Variants in FAM20A observed in about 807,000 individuals in gnomAD.
FAM20A encodes FAM20A golgi associated secretory pathway pseudokinase, also known as pseudokinase FAM20A.
FAM20A carries 42 observed loss-of-function variants against 52.0 expected under a neutral mutation model. That is an observed-to-expected ratio of 0.81 (90% CI 0.63 to 1.04). The LOEUF is 1.04. Among genes scored for constraint, FAM20A ranks in the 50% least tolerant of loss-of-function variants. The pLI, the probability that FAM20A is intolerant of heterozygous loss-of-function variation, is 0.00. For missense variants in FAM20A, 742 were observed against 712.7 expected (o/e 1.04, Z -0.47); for synonymous variants, 304 against 298.9 (o/e 1.02, Z -0.18).
chr17:68,536,691 T>G lies in FAM20A; in HGVS notation c.*786A>C, dbSNP rs1160568203. 2.2e-6 allele frequency: 1 copy of G among 453,868 alleles called. No homozygotes were observed. Among genetic ancestry groups the G allele is most frequent in the African/African-American group, 2.0e-5 (1 of 49,964 alleles). The allele number at this position is 453,868 out of a possible 1,614,324, so 28.1% of individuals were successfully genotyped here. ...CTGCCTTACTCCAGGCTTGTGTCCC[T>G]GCTAGGCCTGTTCCCATGCCATCCT... On this transcript the variant is annotated 3_prime_UTR_variant, in exon 11 of 11. Coordinates refer to ENST00000592554, the MANE Select transcript of FAM20A (RefSeq NM_017565.4).
intron 4 of FAM20A, among the ~76,000 whole-genome samples, chr17:68,544,329 T>A (rs972769814): frequency 6.6e-6 from 1 of 152,154 alleles, no homozygotes; most frequent in Non-Finnish European, 1.5e-5. Flanking sequence ...ATTAAATCTC[T>A]AATGAATTCC....
intron 1 of FAM20A, among the ~76,000 whole-genome samples, chr17:68,561,817 T>C (rs2087222765): frequency 6.6e-6 from 1 of 152,042 alleles, no homozygotes; most frequent in Admixed American, 6.6e-5. Flanking sequence ...TCTTTCTTTT[T>C]TCTTTCTTTC....
intron 9 of FAM20A, 114 bp from the exon 10 acceptor site, chr17:68,539,510 G>C: frequency 2.2e-6 from 2 of 914,948 alleles, no homozygotes; most frequent in Non-Finnish European, 1.8e-6. Context: ...AAATGCCAGG[G>C]ATCATGGCAG....
At chr17:68,541,105 G>A in intron 7 of FAM20A, 147 bp from the exon 8 acceptor site, 1 of 1,201,164 alleles carries the variant, frequency 8.3e-7, no homozygotes, top group Non-Finnish European at 1.2e-6. Flanking sequence ...GAAAGGCCCT[G>A]GGCAAGGACG....
At chr17:68,545,896 G>A (rs2086531799) in intron 4 of FAM20A, among the ~76,000 whole-genome samples, 1 of 152,196 alleles carries the variant, frequency 6.6e-6, no homozygotes, top group South Asian at 2.1e-4. Flanking sequence ...TTGGTCGGGT[G>A]CGGTGGCTCA....
intron 4 of FAM20A, among the ~76,000 whole-genome samples, chr17:68,543,956 A>G (rs2086431770): frequency 6.6e-6 from 1 of 152,142 alleles, no homozygotes; most frequent in Admixed American, 6.5e-5. Flanking sequence ...CACCACCAAT[A>G]CCAAGTTTCC....
intron 1 of FAM20A, among the ~76,000 whole-genome samples, chr17:68,581,003 C>A (rs758493960): frequency 1.3e-5 from 2 of 152,078 alleles, no homozygotes; most frequent in Non-Finnish European, 2.9e-5. Context: ...GATTTTTCCC[C>A]CTGATTAGGA....
chr17:68,580,905 C>T (rs1292001688), intron 1 of FAM20A, among the ~76,000 whole-genome samples: 1 of 152,130 alleles, frequency 6.6e-6, no homozygotes, highest in East Asian at 1.9e-4. Context: ...AAAATGACAC[C>T]TCCAAGGTGG....
At chr17:68,593,147 A>G (rs11655376) in intron 1 of FAM20A, among the ~76,000 whole-genome samples, 26,019 of 152,242 alleles carry the variant, frequency 0.17, 2,554 homozygotes, top group East Asian at 0.35. Context: ...GTAAGAACTT[A>G]TGTCTAGTAA....
At chr17:68,551,370 G>A (rs1259768379) in intron 4 of FAM20A, 2 of 362,598 alleles carry the variant, frequency 5.5e-6, no homozygotes, top group East Asian at 7.9e-5. Context: ...GTTGAAACAA[G>A]TATTGTGGTA....
chr17:68,593,078 T>C (rs1204947633), intron 1 of FAM20A, among the ~76,000 whole-genome samples: 1 of 152,244 alleles, frequency 6.6e-6, no homozygotes, highest in Non-Finnish European at 1.5e-5. Context: ...GAGCTAAGCC[T>C]CTTTTCTGTA....
rs139620139 is a variant in FAM20A at position 68,537,671 on chromosome 17, G to C, written c.1432C>G (p.Arg478Gly). The C allele has an allele frequency of 1.9e-6, 3 of 1,613,644 alleles. No individual in the cohort carries two copies. Among genetic ancestry groups the C allele is most frequent in the Non-Finnish European group, 2.5e-6 (3 of 1,179,804 alleles). The change falls in exon 11 of 11, where the codon CGA becomes GGA. Residue 478 changes from arginine (R) to glycine (G), a missense_variant. Arg to Gly is a moderately radical substitution (Grantham distance 125). Coordinates refer to ENST00000592554, the MANE Select transcript of FAM20A (RefSeq NM_017565.4). The surrounding 1 kb of genome is among the most constrained non-coding windows in gnomAD (Gnocchi z 4.2). The stretch of plus-strand genomic sequence containing the variant: ...AGCTGGTCTTCCAGCAGTGATTCTC[G>C]CATCACATCGCTGAGTCTGTAGTCA... Reference protein sequence around the residue: ...QADYRLSDVMRESLLEDQLSP... With the variant: ...QADYRLSDVMGESLLEDQLSP...
chr17:68,582,867 C>T (rs1290396536), intron 1 of FAM20A, among the ~76,000 whole-genome samples: 2 of 140,290 alleles, frequency 1.4e-5, no homozygotes, highest in African/African-American at 5.4e-5. Flanking sequence ...GATCTAGGCT[C>T]ACTGCAACCT....
intron 1 of FAM20A, among the ~76,000 whole-genome samples, chr17:68,586,408 G>A (rs1432915350): frequency 2.0e-5 from 3 of 152,244 alleles, no homozygotes; most frequent in African/African-American, 7.2e-5. Flanking sequence ...ACCTGTGAAT[G>A]TGACTTTATT....
At chr17:68,572,089 A>G (rs1038305728) in intron 1 of FAM20A, among the ~76,000 whole-genome samples, 17 of 136,810 alleles carry the variant, frequency 1.2e-4, no homozygotes, top group Non-Finnish European at 3.1e-5. Flanking sequence ...TATTATTTTT[A>G]TTTTTATTTC....
rs141161927 is a variant in FAM20A, at chr17:68,558,360, C to G, written c.405-2617G>C. On this transcript the variant is annotated intron_variant, in intron 1 of 10. Transcript: ENST00000592554. ...GATATGGTTTGGATGTTTGTCCCCTCCAAATCTCATGTTGAAATGTAGTCC... is the reference window on the plus strand; with the variant it reads ...GATATGGTTTGGATGTTTGTCCCCTGCAAATCTCATGTTGAAATGTAGTCC... 6.4e-4 allele frequency: 285 copies of G among 443,748 alleles called. 1 individual carries two copies. Among genetic ancestry groups the G allele is most frequent in the Middle Eastern group, 3.5e-3 (5 of 1,426 alleles). 27.5% of individuals were successfully genotyped at this position (443,748 alleles called of 1,614,324 possible). A position where few individuals can be genotyped will look rare whatever the true frequency, so the allele number is the denominator to read the frequency against.
At chr17:68,552,908 C>A (rs1239649618) in intron 3 of FAM20A, among the ~76,000 whole-genome samples, 1 of 147,810 alleles carries the variant, frequency 6.8e-6, no homozygotes, top group Admixed American at 6.7e-5. Flanking sequence ...GTCTCGATCT[C>A]CTGACCTCAT....
At chr17:68,593,959 G>C (rs939105457) in intron 1 of FAM20A, among the ~76,000 whole-genome samples, 4 of 152,216 alleles carry the variant, frequency 2.6e-5, no homozygotes, top group Non-Finnish European at 5.9e-5. Flanking sequence ...TGGGACATCT[G>C]GGCATCAAAG....
chr17:68,594,128 C>G (rs1306772590), intron 1 of FAM20A, among the ~76,000 whole-genome samples: 1 of 152,174 alleles, frequency 6.6e-6, no homozygotes, highest in Non-Finnish European at 1.5e-5. Flanking sequence ...AAGAGCAGTA[C>G]TGGCCGGGCG....
Sources: gnomAD v4.1 joint callset for allele counts (sites outside exome capture counted in the v4.1 genomes callset) on GRCh38, gnomAD v4.1.1 for gene constraint, Gnocchi (gnomAD v3.1) non-coding constraint, MANE v1.5 for transcripts, NCBI Gene and HGNC (gene_info 2026-07-23, HGNC 2026-07-21) for gene names.